The following ANKRD26 variants were observed in gnomAD, a reference collection of about 807,000 sequenced individuals.
The protein encoded by ANKRD26 is ankyrin repeat domain-containing protein 26.
In ANKRD26, 141 loss-of-function variants were observed where a neutral mutation model predicts 208.7. The observed-to-expected ratio is 0.68, with a 90% CI of 0.59 to 0.78. ANKRD26 has a LOEUF of 0.78. ANKRD26 is among the 30% of genes least tolerant of loss of function. The probability of loss-of-function intolerance (pLI) is 0.00; values close to 1 mark genes in which losing one functional copy is unlikely to be tolerated. For missense variants in ANKRD26, 1,889 were observed against 1,938.7 expected (o/e 0.97, Z 0.48); for synonymous variants, 636 against 660.4 (o/e 0.96, Z 0.57).
At chr10:26,987,658 C>T (rs1376803344), downstream of ANKRD26, among the ~76,000 whole-genome samples, 1 of 151,904 alleles carries the variant, frequency 6.6e-6, no homozygotes, top group East Asian at 1.9e-4. Context: ...TCAGAAGGGC[C>T]CAGGAACAGA....
At chr10:27,078,989 C>A in intron 7 of ANKRD26, 100 bp downstream of exon 7, 5 of 876,990 alleles carry the variant, frequency 5.7e-6, no homozygotes, top group South Asian at 3.2e-5. Context: ...CCATTACAAA[C>A]AGAAAACAAT....
In ANKRD26 at chr10:27,048,884, A is replaced by C. The variant is rs1259373471; in HGVS notation, c.1731T>G (p.Asp577Glu). The C allele has an allele frequency of 6.2e-7, 1 of 1,613,174 alleles. No homozygotes were observed. Among genetic ancestry groups the C allele is most frequent in the South Asian group, 1.1e-5 (1 of 91,014 alleles). ...GATDDAEDDDDDDGLIQKRKS... is the reference protein window; with the variant it reads ...GATDDAEDDDEDDGLIQKRKS... ...TTCTTTTTTGAATTAATCCATCATC[A>C]TCATCATCATCTTCAGCATCATCAG... The change falls in exon 17 of 34, where the codon GAT (aspartate) becomes GAG (glutamate). Residue 577 changes from aspartate (D) to glutamate (E), a missense_variant. Asp to Glu is a conservative substitution (Grantham distance 45). Coordinates refer to ENST00000376087, the MANE Select transcript of ANKRD26 (RefSeq NM_014915.3).
At chr10:26,959,866 A>G in the ANKRD26 span, among the ~76,000 whole-genome samples, 1 of 152,170 alleles carries the variant, frequency 6.6e-6, no homozygotes, top group Non-Finnish European at 1.5e-5. Context: ...TAGTTAACTT[A>G]TAACTTAGTA....
At chr10:27,033,508 C>G (rs568556270) in intron 24 of ANKRD26, 131 bp from the exon 25 acceptor site, 317 of 902,796 alleles carry the variant, frequency 3.5e-4, no homozygotes, top group Non-Finnish European at 4.8e-4. Context: ...CATTGATTCA[C>G]CTTCTTGTCC....
At chr10:27,039,251 A>G (rs2054147296) in intron 21 of ANKRD26, among the ~76,000 whole-genome samples, 1 of 152,138 alleles carries the variant, frequency 6.6e-6, no homozygotes, top group African/African-American at 2.4e-5. Flanking sequence ...CAGGAGTTCA[A>G]GACCAGCCTG....
chr10:27,008,801 G>A (rs574345618), intron 32 of ANKRD26, among the ~76,000 whole-genome samples: 39 of 151,954 alleles, frequency 2.6e-4, no homozygotes, highest in Non-Finnish European at 5.0e-4. Context: ...GTGGCCTCCC[G>A]CTACATAAAG....
At chr10:26,955,306 TA>T in the ANKRD26 span, among the ~76,000 whole-genome samples, 2 of 152,046 alleles carry the variant, frequency 1.3e-5, no homozygotes, top group African/African-American at 4.8e-5. Context: ...CACATGCCTG[TA>T]ATCCCAGCTA....
intron 20 of ANKRD26, among the ~76,000 whole-genome samples, chr10:27,041,081 G>A (rs1164226429): frequency 6.6e-6 from 1 of 151,904 alleles, no homozygotes; most frequent in African/African-American, 2.4e-5. Flanking sequence ...AAGTTTTATG[G>A]TCTTATGAAT....
chr10:27,002,347 G>C (rs541127519), downstream of ANKRD26, among the ~76,000 whole-genome samples: 1 of 152,202 alleles, frequency 6.6e-6, no homozygotes, highest in Non-Finnish European at 1.5e-5. Flanking sequence ...AGGAGAGAAA[G>C]AATTCCCAAC....
At chr10:27,046,562 A>G (rs1158285138) in intron 17 of ANKRD26, 39 bp from the exon 18 acceptor site, 1 of 1,582,630 alleles carries the variant, frequency 6.3e-7, no homozygotes, top group Admixed American at 1.7e-5. Context: ...TACATAAGAA[A>G]AAAGAAAAAA....
chr10:27,051,484 C>G (rs1469939872), intron 16 of ANKRD26: 2 of 1,060,890 alleles, frequency 1.9e-6, no homozygotes, highest in Non-Finnish European at 2.3e-6. Context: ...TCAAACTCTT[C>G]TTTCATTACA....
At chr10:26,960,778 T>C in the ANKRD26 span, among the ~76,000 whole-genome samples, 1 of 152,190 alleles carries the variant, frequency 6.6e-6, no homozygotes, top group African/African-American at 2.4e-5. Flanking sequence ...TGAGTAACAC[T>C]TGGCAGATTC....
At chr10:27,029,446 C>T (rs1053938205) in intron 25 of ANKRD26, 90 bp from the exon 26 acceptor site, 2 of 1,162,296 alleles carry the variant, frequency 1.7e-6, no homozygotes, top group Non-Finnish European at 1.3e-6. Flanking sequence ...CTTATCGGAA[C>T]ACAGTCATAC....
Position 27,005,482 on chromosome 10 carries a change from C to T in ANKRD26, c.*108G>A, listed in dbSNP as rs1003423446. On this transcript the variant is annotated 3_prime_UTR_variant, in exon 34 of 34. Coordinates refer to ENST00000376087, the MANE Select transcript of ANKRD26 (RefSeq NM_014915.3). ...AAATACTATATAAATTTTGATCTGA[C>T]ATATATGATACAAAAATACGTTCCT... is the stretch of plus-strand genomic sequence containing the variant. The T allele has an allele frequency of 1.2e-5, 18 of 1,529,560 alleles. No homozygotes were observed. The highest frequency in any genetic ancestry group is 1.4e-5 in the Non-Finnish European group (16 of 1,142,176). The allele number at this position is 1,529,560 out of a possible 1,614,324, so 94.7% of individuals were successfully genotyped here.
At chr10:27,098,858 C>A (rs1170039799) in intron 1 of ANKRD26, among the ~76,000 whole-genome samples, 1 of 151,760 alleles carries the variant, frequency 6.6e-6, no homozygotes, top group Non-Finnish European at 1.5e-5. Flanking sequence ...CAAATTTTAC[C>A]ACGTTTTGTA....
chr10:26,954,382 G>A, the ANKRD26 span, among the ~76,000 whole-genome samples: 1 of 152,162 alleles, frequency 6.6e-6, no homozygotes, highest in Admixed American at 6.5e-5. Flanking sequence ...GGTTGTTTCT[G>A]TGCTTTTTAT....
chr10:26,991,661 G>A (rs546233422), downstream of ANKRD26, among the ~76,000 whole-genome samples: 4 of 152,244 alleles, frequency 2.6e-5, no homozygotes, highest in East Asian at 5.8e-4. Context: ...GGCTGGTCTC[G>A]AACTCCCCAC....
At chr10:26,972,870 C>A (rs1053849813), downstream of ANKRD26, among the ~76,000 whole-genome samples, 2 of 151,968 alleles carry the variant, frequency 1.3e-5, no homozygotes, top group African/African-American at 4.8e-5. Flanking sequence ...GATTACAGGC[C>A]TGAACCACCA....
At position 27,053,401 on chromosome 10, in the gene ANKRD26, C is replaced by A. The variant is rs748934705; in HGVS notation, c.1565-11G>T. ...CTAAGTCATGTTCAGCTGAAAAAAT[C>A]CAAATATTTAGTTTAATGAACTACT... On this transcript the variant is annotated splice_polypyrimidine_tract_variant and intron_variant, in intron 15 of 33. Coordinates refer to ENST00000376087, the MANE Select transcript of ANKRD26 (RefSeq NM_014915.3). 1.2e-6 allele frequency: 2 copies of A among 1,601,262 alleles called. No homozygotes were observed. The highest frequency in any genetic ancestry group is 1.7e-6 in the Non-Finnish European group (2 of 1,170,460).
Sources: allele counts gnomAD v4.1 joint callset (sites outside exome capture counted in the v4.1 genomes callset), GRCh38; gene constraint gnomAD v4.1.1; transcripts MANE v1.5; gene names NCBI Gene and HGNC (gene_info 2026-07-23, HGNC 2026-07-21).